Variants in FRMD4A observed in about 807,000 individuals in gnomAD.
FRMD4A encodes FERM domain containing 4A.
Under a neutral mutation model 129.1 loss-of-function variants are expected in FRMD4A, and 29 were observed. That is an observed-to-expected ratio of 0.22 (90% CI 0.17 to 0.31). The LOEUF (loss-of-function observed/expected upper bound fraction) is 0.31. Among genes scored for constraint, FRMD4A ranks in the 10% least tolerant of loss-of-function variants. The pLI, the probability that FRMD4A is intolerant of heterozygous loss-of-function variation, is 1.00. For missense variants in FRMD4A, 1,272 were observed against 1,375.8 expected, an observed-to-expected ratio of 0.92 and a Z score of 1.19; for synonymous variants, 634 against 571.6, an observed-to-expected ratio of 1.11 and a Z score of -1.56.
At chr10:14,196,361 G>C (rs1842473293) in intron 2 of FRMD4A, among the ~76,000 whole-genome samples, 1 of 152,140 alleles carries the variant, frequency 6.6e-6, no homozygotes, top group Non-Finnish European at 1.5e-5. Flanking sequence ...TTCACCCATG[G>C]ACCTAGTAGC....
intron 2 of FRMD4A, among the ~76,000 whole-genome samples, chr10:14,209,737 A>AG (rs975902156): frequency 1.3e-5 from 2 of 151,042 alleles, no homozygotes; most frequent in African/African-American, 4.9e-5. Flanking sequence ...AAAAAAAAAA[A>AG]TAGCTGGACA....
chr10:14,245,414 G>T (rs1043867978), intron 2 of FRMD4A, among the ~76,000 whole-genome samples: 5 of 152,186 alleles, frequency 3.3e-5, no homozygotes, highest in Non-Finnish European at 7.3e-5. Flanking sequence ...AACACTGAGG[G>T]AGTAAGGTAG....
rs1480732319 is a variant in FRMD4A, at chr10:14,279,784, C to T, written c.45+50274G>A. On this transcript the variant is annotated intron_variant, in intron 2 of 24. Transcript: ENST00000357447. The stretch of plus-strand genomic sequence containing the variant: ...TCTTACCACTCTATGAGAAAGGGCC[C>T]ATCATTCACTGCATCTCAAAGAGAC... Among the ~76,000 whole-genome samples the T allele has an allele frequency of 2.0e-4, 30 of 152,170 alleles. 1 individual carries two copies. The highest frequency in any genetic ancestry group is 2.0e-3 in the Admixed American group (30 of 15,280).
intron 2 of FRMD4A, among the ~76,000 whole-genome samples, chr10:14,002,789 C>G (rs2095647062): frequency 6.6e-6 from 1 of 152,008 alleles, no homozygotes; most frequent in Non-Finnish European, 1.5e-5. Context: ...GGAAGAGCTT[C>G]CTGTGGAATT....
intron 3 of FRMD4A, among the ~76,000 whole-genome samples, chr10:13,819,364 C>T (rs529390423): frequency 2.0e-5 from 3 of 152,212 alleles, no homozygotes. Flanking sequence ...CTCCCCCTCC[C>T]CCTTCCCATT....
chr10:14,221,647 A>T (rs1318235906), intron 2 of FRMD4A, among the ~76,000 whole-genome samples: 1 of 151,552 alleles, frequency 6.6e-6, no homozygotes, highest in East Asian at 1.9e-4. Flanking sequence ...CCAGCCTCCA[A>T]CTCCTGGGCT....
intron 3 of FRMD4A, among the ~76,000 whole-genome samples, chr10:13,849,974 G>C (rs936346361): frequency 1.3e-5 from 2 of 151,642 alleles, no homozygotes; most frequent in Non-Finnish European, 2.9e-5. Flanking sequence ...TTCGAGACCA[G>C]CCTGGCCAAC....
rs1167283812 is a variant in FRMD4A at position 13,947,233 on chromosome 10, C to T, written c.46-88321G>A. Among the ~76,000 whole-genome samples the T allele has an allele frequency of 4.6e-5, 7 of 152,208 alleles. No homozygotes were observed. In the East Asian group the frequency reaches 5.8e-4, roughly 13 times the overall value. Reference sequence around the variant, plus strand: ...GTTGACTACGTGGATGCTATGGATGCGCTAGGAGAAAGAGGCAAGTTTGGA... The same window carrying T: ...GTTGACTACGTGGATGCTATGGATGTGCTAGGAGAAAGAGGCAAGTTTGGA... On this transcript the variant is annotated intron_variant, in intron 2 of 24. Transcript: ENST00000357447.
chr10:14,147,293 C>G (rs1752270393), intron 2 of FRMD4A, among the ~76,000 whole-genome samples: 2 of 152,078 alleles, frequency 1.3e-5, no homozygotes. Context: ...GAGTTGCCTC[C>G]AGATGCTGGG....
At chr10:13,811,377 C>A (rs1256985941) in intron 3 of FRMD4A, among the ~76,000 whole-genome samples, 2 of 151,498 alleles carry the variant, frequency 1.3e-5, no homozygotes, top group African/African-American at 4.9e-5. Context: ...AAGTGATCCA[C>A]CTGCCTCAGC....
At chr10:14,193,353 G>A (rs752709356) in intron 2 of FRMD4A, among the ~76,000 whole-genome samples, 19 of 152,010 alleles carry the variant, frequency 1.2e-4, no homozygotes, top group Non-Finnish European at 2.4e-4. Context: ...TAACACTTTC[G>A]GGTCCAGAGA....
chr10:14,238,618 A>C (rs1843917620), intron 2 of FRMD4A, among the ~76,000 whole-genome samples: 1 of 152,102 alleles, frequency 6.6e-6, no homozygotes, highest in African/African-American at 2.4e-5. Context: ...TGCACCCATC[A>C]ACCTGTCGTC....
intron 2 of FRMD4A, among the ~76,000 whole-genome samples, chr10:14,222,126 C>T (rs1843281908): frequency 6.6e-6 from 1 of 152,134 alleles, no homozygotes; most frequent in African/African-American, 2.4e-5. Context: ...TTTAAAATGG[C>T]ATATCTTTCG....
At chr10:14,072,854 G>A (rs1835380199) in intron 2 of FRMD4A, among the ~76,000 whole-genome samples, 2 of 152,154 alleles carry the variant, frequency 1.3e-5, no homozygotes, top group Non-Finnish European at 2.9e-5. Context: ...CGTGCTTCCG[G>A]AAAATAGCTT....
Position 13,866,473 on chromosome 10 carries a change from T to A in FRMD4A, c.46-7561A>T, listed in dbSNP as rs141229332. 3.7e-3 allele frequency among the ~76,000 whole-genome samples: 557 copies of A among 152,270 alleles called. 2 individuals are homozygous for A. The highest frequency in any genetic ancestry group is 6.5e-3 in the Admixed American group (100 of 15,292). ...GGTCACCTCAAGAGACACATCCTTC[T>A]CTCCACTTCAGTTTCCTTCACAGAA... On this transcript the variant is annotated intron_variant, in intron 2 of 24. Transcript: ENST00000357447.
intron 2 of FRMD4A, among the ~76,000 whole-genome samples, chr10:14,061,877 G>T (rs1834832358): frequency 6.6e-6 from 1 of 152,194 alleles, no homozygotes; most frequent in South Asian, 2.1e-4. Context: ...ACATTACTGA[G>T]TTGCTGACTT....
intron 19 of FRMD4A, among the ~76,000 whole-genome samples, chr10:13,660,981 C>T (rs1018840973): frequency 2.6e-5 from 4 of 152,108 alleles, no homozygotes; most frequent in African/African-American, 9.7e-5. Context: ...GTTTCATCTG[C>T]TGCTAGATCC....
rs550780781 is a variant in FRMD4A at position 14,298,832 on chromosome 10, C to T, written c.45+31226G>A. Among the ~76,000 whole-genome samples the T allele has an allele frequency of 3.9e-5, 6 of 152,132 alleles. No homozygotes were observed. In the South Asian group the frequency reaches 1.0e-3, roughly 26 times the overall value. Reference sequence around the variant, plus strand: ...AGGAGCAATGAGTAGGGGAGGAGGACACTCGAGTGAGGCAGGAGGGAAAGG... The same window carrying T: ...AGGAGCAATGAGTAGGGGAGGAGGATACTCGAGTGAGGCAGGAGGGAAAGG... On this transcript the variant is annotated intron_variant, in intron 2 of 24. Coordinates refer to ENST00000357447, the MANE Select transcript of FRMD4A (RefSeq NM_018027.5).
At chr10:14,271,889 G>A (rs751427300) in intron 2 of FRMD4A, among the ~76,000 whole-genome samples, 8 of 152,190 alleles carry the variant, frequency 5.3e-5, no homozygotes, top group Non-Finnish European at 1.0e-4. Context: ...CCAATGTCAC[G>A]GCATTTATGA....
Sources: allele counts gnomAD v4.1 joint callset (sites outside exome capture counted in the v4.1 genomes callset), GRCh38; gene constraint gnomAD v4.1.1; transcripts MANE v1.5; gene names NCBI Gene and HGNC (gene_info 2026-07-23, HGNC 2026-07-21).